IGFN1: variants seen among roughly 807,000 people sequenced by gnomAD.
IGFN1 encodes immunoglobulin like and fibronectin type III domain containing 1.
IGFN1 carries 253 observed loss-of-function variants against 289.5 expected under a neutral mutation model. The observed-to-expected ratio is 0.87, with a 90% confidence interval of 0.79 to 0.97. IGFN1 has a LOEUF of 0.97. IGFN1 is among the 50% of genes least tolerant of loss of function. The probability of loss-of-function intolerance (pLI) is 0.00; values close to 1 mark genes in which losing one functional copy is unlikely to be tolerated. For synonymous variants in IGFN1, 1,706 were observed against 1,788.5 expected (o/e 0.95, Z 1.16); for missense variants, 4,470 against 4,686.1 (o/e 0.95, Z 1.35).
At chr1:201,219,410 C>G (rs532919890) in intron 18 of IGFN1, among the ~76,000 whole-genome samples, 58 of 152,346 alleles carry the variant, frequency 3.8e-4, no homozygotes, top group African/African-American at 1.3e-3. Flanking sequence ...AACAGACATT[C>G]TGAGAACAGG....
chr1:201,205,400 T>C (rs1027361218), intron 11 of IGFN1, 46 bp downstream of exon 11: 3 of 1,479,736 alleles, frequency 2.0e-6, no homozygotes, highest in African/African-American at 1.4e-5. Context: ...AGGGAAGACC[T>C]TGGGGCTGCG....
At position 201,207,066 on chromosome 1, in the gene IGFN1, A is replaced by G. The variant is rs1667461417; in HGVS notation, c.2173A>G (p.Lys725Glu). The G allele has an allele frequency of 6.5e-7, 1 of 1,536,846 alleles. No homozygotes were observed. The highest frequency in any genetic ancestry group is 8.7e-7 in the Non-Finnish European group (1 of 1,146,848). ...GELLEQIPGG[K>E]DFQEPSISGG... ...GTTGCTAGAACAGATACCTGGAGGC[A>G]AGGACTTCCAGGAACCATCAATATC... The change falls in exon 12 of 24, where the codon AAG (lysine) becomes GAG (glutamate). Residue 725 changes from lysine (K) to glutamate (E), a missense_variant. By Grantham distance (56) the Lys-to-Glu change is moderately conservative. Around this residue, in one of 8 missense-constraint regions of IGFN1, gnomAD observed 2,011 missense variants for 1,953.4 expected, o/e 1.03. Coordinates refer to ENST00000335211, the MANE Select transcript of IGFN1 (RefSeq NM_001164586.2).
At chr1:201,197,350 C>A in intron 5 of IGFN1, 33 bp downstream of exon 5, 1 of 1,377,906 alleles carries the variant, frequency 7.3e-7, no homozygotes, top group East Asian at 2.5e-5. Context: ...CTCATCAGTG[C>A]ACAGGGCAGA....
chr1:201,200,440 C>T, intron 8 of IGFN1, 29 bp downstream of exon 8: 1 of 1,526,822 alleles, frequency 6.5e-7, no homozygotes, highest in Non-Finnish European at 8.9e-7. Context: ...ACCCCTCACT[C>T]CATGCCCACC....
intron 3 of IGFN1, among the ~76,000 whole-genome samples, chr1:201,195,183 G>A (rs763057862): frequency 1.5e-4 from 23 of 150,918 alleles, no homozygotes; most frequent in Non-Finnish European, 2.7e-4. Context: ...ATGGAGTCTC[G>A]CTCTGTTGCC....
At chr1:201,206,015 G>A (rs989590636) in intron 11 of IGFN1, 68 bp from the exon 12 acceptor site, 4 of 1,150,990 alleles carry the variant, frequency 3.5e-6, no homozygotes, top group Non-Finnish European at 5.0e-6. Context: ...TTTAACAGGA[G>A]TTTTGGTATT....
rs770525340 is a variant in IGFN1, at chr1:201,226,120, C to T, written c.10783C>T (p.Arg3595Cys). The T allele has an allele frequency of 1.1e-5, 17 of 1,586,774 alleles. No individual in the cohort carries two copies. The highest frequency in any genetic ancestry group is 6.9e-5 in the South Asian group (6 of 87,512). The stretch of plus-strand genomic sequence containing the variant: ...CCAGCCCTGGTGCATCCCCCGGCAG[C>T]GCGGTAAGCAGCCCCTGAGAGGGAG... ...TSQPWCIPRQ[R>C]DRFTVKAPCY... Residue 3595 changes from arginine (R) to cysteine (C), a missense_variant, in exon 22 of 24, where the codon CGC becomes TGC. By Grantham distance (180) the Arg-to-Cys change is radical. This residue lies in a region of IGFN1 where 2,218 missense variants were observed against 2,114.1 expected (regional missense o/e 1.05). Coordinates refer to ENST00000335211, the MANE Select transcript of IGFN1 (RefSeq NM_001164586.2).
Position 201,194,223 on chromosome 1 carries a change from G to A in IGFN1, c.77G>A (p.Cys26Tyr). ...WQLVEEIPEG[C>Y]STPDFEQKPV... ...CTGGTGGAGGAGATCCCTGAAGGCT[G>A]CAGCACGCCGGACTTTGAGCAGAAG... Residue 26 changes from cysteine to tyrosine, a missense_variant, in exon 3 of 24, where the codon TGC becomes TAC. Around this residue, in one of 8 missense-constraint regions of IGFN1, gnomAD observed 2,011 missense variants for 1,953.4 expected, o/e 1.03. Transcript: ENST00000335211. 1 of 1,551,578 alleles carries A rather than the reference G, an allele frequency of 6.4e-7. No homozygotes were observed. Among genetic ancestry groups the A allele is most frequent in the Non-Finnish European group, 8.7e-7 (1 of 1,146,920 alleles).
Position 201,211,255 on chromosome 1 carries a change from A to G in IGFN1, c.6362A>G (p.Lys2121Arg). 1.3e-6 allele frequency: 2 copies of G among 1,530,542 alleles called. No homozygotes were observed. The highest frequency in any genetic ancestry group is 1.7e-6 in the Non-Finnish European group (2 of 1,143,924). The allele number at this position is 1,530,542 out of a possible 1,614,324, so 94.8% of individuals were successfully genotyped here. ...GAPEGIGSGS[K>R]AGFRDGLGSS... Reference sequence around the variant, plus strand: ...CCTGAGGGAATAGGTTCAGGAAGTAAGGCAGGTTTTAGGGATGGTTTAGGG... The same window carrying G: ...CCTGAGGGAATAGGTTCAGGAAGTAGGGCAGGTTTTAGGGATGGTTTAGGG... The change falls in exon 12 of 24, where the codon AAG becomes AGG. Residue 2121 changes from lysine to arginine, a missense_variant. Lys to Arg is a conservative substitution (Grantham distance 26). Coordinates refer to ENST00000335211, the MANE Select transcript of IGFN1 (RefSeq NM_001164586.2).
intron 11 of IGFN1, 133 bp from the exon 12 acceptor site, chr1:201,205,950 C>T: frequency 1.5e-6 from 1 of 678,954 alleles, no homozygotes; most frequent in Non-Finnish European, 2.5e-6. Flanking sequence ...TGCTTCTCTC[C>T]TGGGGAAGTC....
Position 201,213,035 on chromosome 1 carries a change from C to A in IGFN1, c.8142C>A (p.Gly2714=). The A allele has an allele frequency of 6.4e-7, 1 of 1,551,556 alleles. No homozygotes were observed. The highest frequency in any genetic ancestry group is 8.7e-7 in the Non-Finnish European group (1 of 1,146,924). The change falls in exon 12 of 24, where the codon GGC becomes GGA. Residue 2714 remains glycine, a synonymous_variant. Transcript: ENST00000335211. ...SVDAEDSGIL[G]KGNSTEWGNA... ...ATGCAGAGGACTCAGGTATCCTGGG[C>A]AAGGGGAATTCTACTGAGTGGGGGA...
At position 201,212,231 on chromosome 1, in the gene IGFN1, G is replaced by T; in HGVS notation, c.7338G>T (p.Gly2446=). The T allele has an allele frequency of 2.0e-6, 3 of 1,534,544 alleles. No individual in the cohort carries two copies. The highest frequency in any genetic ancestry group is 2.4e-5 in the South Asian group (2 of 83,740). The change falls in exon 12 of 24, where the codon GGG becomes GGT. Residue 2446 remains glycine, a synonymous_variant. Transcript: ENST00000335211. ...ACAGAGACAGCCTCAGGGGCACAGG[G>T]GTGCTGGGGTCTCAGGGAGGGCGAC... ...MAHRDSLRGT[G]VLGSQGGRQT... is the part of the protein sequence containing the mutation.
In IGFN1 at chr1:201,205,275, G is replaced by C. The variant is rs199966486; in HGVS notation, c.1110G>C (p.Arg370Ser). Residue 370 changes from arginine to serine, a missense_variant, in exon 11 of 24, where the codon AGG becomes AGC. This residue lies in a region of IGFN1 where 2,011 missense variants were observed against 1,953.4 expected (regional missense o/e 1.03). Coordinates refer to ENST00000335211, the MANE Select transcript of IGFN1 (RefSeq NM_001164586.2). ...GGCTGACCCACCGGCTGGTGGTGAG[G>C]GGGGCACGTTTCTCAGACATGGGCC... ...PDGLTHRLVVRGARFSDMGPY... is the reference protein window; with the variant it reads ...PDGLTHRLVVSGARFSDMGPY... The C allele has an allele frequency of 1.3e-6, 2 of 1,550,922 alleles. No homozygotes were observed. Among genetic ancestry groups the C allele is most frequent in the African/African-American group, 2.7e-5 (2 of 73,150 alleles).
In IGFN1 at chr1:201,193,316, A is replaced by G. The variant is rs367886380; in HGVS notation, c.7+16A>G. 6.5e-7 allele frequency: 1 copy of G among 1,537,800 alleles called. No homozygotes were observed. The highest frequency in any genetic ancestry group is 2.4e-5 in the East Asian group (1 of 40,896). On this transcript the variant is annotated intron_variant, in intron 2 of 23. Transcript: ENST00000335211. ...ACTATGGCAGGTAAGAGAAGAACTA[A>G]TCTCCCCTCCCCAGCCCTCCCTGGC...
In IGFN1 at chr1:201,195,852, C is replaced by A; in HGVS notation, c.141C>A (p.Val47=). 6.4e-7 allele frequency: 1 copy of A among 1,551,564 alleles called. No homozygotes were observed. The highest frequency in any genetic ancestry group is 1.2e-5 in the South Asian group (1 of 84,024). ...TSALPEGKNA[V]FRAVVCGEPR... ...TTCCTGCTGCAGGGAAAAATGCTGT[C>A]TTTCGGGCTGTGGTCTGTGGGGAGC... The change falls in exon 4 of 24, where the codon GTC becomes GTA. Residue 47 remains valine (V), a synonymous_variant. Coordinates refer to ENST00000335211, the MANE Select transcript of IGFN1 (RefSeq NM_001164586.2).
chr1:201,204,970 G>T (rs1245959957), intron 10 of IGFN1, 112 bp from the exon 11 acceptor site: 7 of 1,099,064 alleles, frequency 6.4e-6, no homozygotes, highest in Non-Finnish European at 9.0e-6. Flanking sequence ...AACATGGGGA[G>T]TTTGTGGCTG....
rs755115101 is a variant in IGFN1, at chr1:201,199,653, A to G, written c.457A>G (p.Arg153Gly). ...GGACTTCCGGAAGTTGCTGAAAAAG[A>G]GGTGGGTTTGGGCCTGTCCATGAGG... ...LMDFRKLLKK[R>G]APPAPKKKMD... The change falls in exon 7 of 24, where the codon AGG becomes GGG. Residue 153 changes from arginine (R) to glycine (G), a missense_variant and splice_region_variant. Physicochemically the swap from Arg to Gly is moderately radical, Grantham distance 125 (BLOSUM62 -2). Transcript: ENST00000335211. The G allele has an allele frequency of 6.4e-6, 10 of 1,551,244 alleles. No individual in the cohort carries two copies. The highest frequency in any genetic ancestry group is 3.3e-4 in the Middle Eastern group (2 of 6,014).
chr1:201,207,454 A>G lies in IGFN1; in HGVS notation c.2561A>G (p.His854Arg). The G allele has an allele frequency of 3.9e-6, 6 of 1,528,888 alleles. No individual in the cohort carries two copies. Among genetic ancestry groups the G allele is most frequent in the Non-Finnish European group, 5.3e-6 (6 of 1,142,818 alleles). The allele number at this position is 1,528,888 out of a possible 1,614,324, so 94.7% of individuals were successfully genotyped here. A position where few individuals can be genotyped will look rare whatever the true frequency, so the allele number is the denominator to read the frequency against. The change falls in exon 12 of 24, where the codon CAT becomes CGT. Residue 854 changes from histidine (H) to arginine (R), a missense_variant. Physicochemically the swap from His to Arg is conservative, Grantham distance 29. Around this residue, in one of 8 missense-constraint regions of IGFN1, gnomAD observed 2,011 missense variants for 1,953.4 expected, o/e 1.03. Transcript: ENST00000335211. ...AGCCTCAGAAAAACTGGGGCCCACC[A>G]TGGGCCTGGAGTGCTGGGGCCCAGT... ...PSSLRKTGAH[H>R]GPGVLGPSGG...
In IGFN1 at chr1:201,197,485, T is replaced by A. The variant is rs1016720060; in HGVS notation, c.367+168T>A. ...TGCTGGGCCCCGGGCTTCATCCACA[T>A]GCACACTGAGTCTGCATGTGTTTAA... On this transcript the variant is annotated intron_variant, in intron 5 of 23. Transcript: ENST00000335211. Among the ~76,000 whole-genome samples, 6 of 152,244 alleles carry A rather than the reference T, an allele frequency of 3.9e-5. No homozygotes were observed. In the East Asian group the frequency reaches 1.2e-3, roughly 29 times the overall value.
Sources: allele counts gnomAD v4.1 joint callset (sites outside exome capture counted in the v4.1 genomes callset), GRCh38; gene constraint gnomAD v4.1.1; regional missense constraint gnomAD v4.1.1; transcripts MANE v1.5; gene names NCBI Gene and HGNC (gene_info 2026-07-23, HGNC 2026-07-21).